The following STK39 variants were observed in gnomAD, a reference collection of about 807,000 sequenced individuals.
The protein encoded by STK39 is STE20/SPS1-related proline-alanine-rich protein kinase.
A neutral mutation model predicts 77.8 loss-of-function variants in STK39; 20 were observed. The ratio of observed to expected loss-of-function variants is 0.26; its 90% CI spans 0.18 to 0.37. The LOEUF (loss-of-function observed/expected upper bound fraction) is 0.37. Ranked by LOEUF, STK39 falls within the 10% of genes least tolerant of loss-of-function variation. STK39 has a pLI of 1.00. For synonymous variants in STK39, 246 were observed against 234.1 expected (o/e 1.05, Z -0.47); for missense variants, 479 against 656.5 (o/e 0.73, Z 2.95).
chr2:167,964,421 C>T (rs767245680), intron 17 of STK39: 4 of 431,406 alleles, frequency 9.3e-6, no homozygotes, highest in Admixed American at 4.7e-5. Flanking sequence ...CTTATATGGC[C>T]GCTCTTAGTC....
At chr2:168,186,164 A>G (rs1006995397) in intron 1 of STK39, among the ~76,000 whole-genome samples, 1 of 152,194 alleles carries the variant, frequency 6.6e-6, no homozygotes. Context: ...AAGAGACAAT[A>G]GAGAGCTTAC....
chr2:167,999,575 A>T (rs373926547), intron 16 of STK39, among the ~76,000 whole-genome samples: 1 of 151,666 alleles, frequency 6.6e-6, no homozygotes, highest in Non-Finnish European at 1.5e-5. Flanking sequence ...CATTCTCCTG[A>T]CTCAGCCTCC....
intron 16 of STK39, among the ~76,000 whole-genome samples, chr2:167,982,294 A>G (rs947879501): frequency 6.6e-6 from 1 of 152,194 alleles, no homozygotes. Context: ...AAAAAAATTA[A>G]GTGCTGAATT....
intron 1 of STK39, among the ~76,000 whole-genome samples, chr2:168,185,299 T>G (rs1689180721): frequency 6.6e-6 from 1 of 152,234 alleles, no homozygotes. Flanking sequence ...TATGCACATA[T>G]GCACAAGTTA....
intron 16 of STK39, among the ~76,000 whole-genome samples, chr2:167,979,633 T>C (rs1437654516): frequency 6.6e-6 from 1 of 152,190 alleles, no homozygotes; most frequent in Non-Finnish European, 1.5e-5. Flanking sequence ...CTATCAGGCA[T>C]TCTTGCAGGT....
At chr2:168,004,303 G>A (rs1231371047) in intron 16 of STK39, among the ~76,000 whole-genome samples, 1 of 152,178 alleles carries the variant, frequency 6.6e-6, no homozygotes, top group East Asian at 1.9e-4. Flanking sequence ...AACTGGCACA[G>A]TTTTAAAACA....
At chr2:168,018,556 AAG>A (rs1319533596) in intron 14 of STK39, among the ~76,000 whole-genome samples, 4 of 144,254 alleles carry the variant, frequency 2.8e-5, no homozygotes, top group African/African-American at 1.1e-4. Context: ...GAAAGAAAGA[AAG>A]AAAGAAAGAA....
At chr2:168,161,891 G>T in intron 4 of STK39, 49 bp from the exon 5 acceptor site, 2 of 1,392,384 alleles carry the variant, frequency 1.4e-6, no homozygotes, top group Non-Finnish European at 2.0e-6. Context: ...AGACTTTATA[G>T]TGTATTGATT....
rs537227522 is a variant in STK39, at chr2:168,224,567, T to C, written c.208+22661A>G. 2.6e-5 allele frequency among the ~76,000 whole-genome samples: 4 copies of C among 151,902 alleles called. 1 individual carries two copies. Among genetic ancestry groups the C allele is most frequent in the African/African-American group, 9.7e-5 (4 of 41,212 alleles). On this transcript the variant is annotated intron_variant, in intron 1 of 17. Transcript: ENST00000355999. ...CAAAGCAATCAAATAGAGATTAACA[T>C]ACCTGTCAGCTGAAACCAGGCTGTC...
chr2:168,186,127 G>A (rs187479806), intron 1 of STK39, among the ~76,000 whole-genome samples: 1 of 152,212 alleles, frequency 6.6e-6, no homozygotes, highest in East Asian at 1.9e-4. Flanking sequence ...CAGAGCCCTG[G>A]TCCAATAGGA....
intron 14 of STK39, among the ~76,000 whole-genome samples, chr2:168,040,264 AAACT>A (rs1397476802): frequency 1.3e-5 from 2 of 152,218 alleles, no homozygotes; most frequent in Non-Finnish European, 2.9e-5. Flanking sequence ...AAGGAAGAAA[AAACT>A]AACCACAAAA....
chr2:168,231,764 C>A (rs1055803963), intron 1 of STK39, among the ~76,000 whole-genome samples: 1 of 152,068 alleles, frequency 6.6e-6, no homozygotes, highest in African/African-American at 2.4e-5. Context: ...TACCACGTGT[C>A]TGGGTGAAGG....
chr2:168,119,554 C>G (rs1687351865), intron 10 of STK39, among the ~76,000 whole-genome samples: 1 of 152,114 alleles, frequency 6.6e-6, no homozygotes. Flanking sequence ...AAAGTAGCAC[C>G]CTAATTGACT....
intron 14 of STK39, among the ~76,000 whole-genome samples, chr2:168,023,691 G>GAAATCC (rs1323003258): frequency 6.6e-6 from 1 of 152,152 alleles, no homozygotes; most frequent in African/African-American, 2.4e-5. Flanking sequence ...TAAAGCGGTA[G>GAAATCC]AAATCCAAAG....
At chr2:168,059,375 A>T (rs987618715) in intron 14 of STK39, among the ~76,000 whole-genome samples, 1 of 152,160 alleles carries the variant, frequency 6.6e-6, no homozygotes. Flanking sequence ...TGAGTTCATC[A>T]AAAAGGAGAT....
intron 16 of STK39, among the ~76,000 whole-genome samples, chr2:167,966,952 T>A (rs945578914): frequency 6.6e-5 from 10 of 152,194 alleles, no homozygotes; most frequent in African/African-American, 2.4e-4. Context: ...GTAGCAATGC[T>A]CATTAAAAAG....
chr2:168,074,145 G>A (rs1273295163), intron 12 of STK39, among the ~76,000 whole-genome samples: 4 of 152,094 alleles, frequency 2.6e-5, no homozygotes, highest in Admixed American at 2.6e-4. Flanking sequence ...GACCCAGGCT[G>A]GCTACTGCCA....
intron 8 of STK39, among the ~76,000 whole-genome samples, 186 bp downstream of exon 8, chr2:168,137,902 C>T (rs902168540): frequency 1.1e-4 from 16 of 152,220 alleles, no homozygotes; most frequent in Admixed American, 4.6e-4. Flanking sequence ...TCGTTCTTCA[C>T]CCACTTCTTT....
intron 12 of STK39, among the ~76,000 whole-genome samples, chr2:168,066,138 T>G (rs951795693): frequency 6.6e-6 from 1 of 152,224 alleles, no homozygotes; most frequent in Non-Finnish European, 1.5e-5. Flanking sequence ...CATCAAAAAT[T>G]ATTTGTGAGA....
Sources: gnomAD v4.1 joint callset for allele counts (sites outside exome capture counted in the v4.1 genomes callset) on GRCh38, gnomAD v4.1.1 for gene constraint, MANE v1.5 for transcripts, NCBI Gene and HGNC (gene_info 2026-07-23, HGNC 2026-07-21) for gene names.